Variants in DCAF5 observed in about 807,000 individuals in gnomAD.
The protein encoded by DCAF5 is DDB1 and CUL4 associated factor 5.
In DCAF5, 9 loss-of-function variants were observed where a neutral mutation model predicts 80.7. The observed-to-expected ratio is 0.11, with a 90% CI of 0.07 to 0.19. The LOEUF (loss-of-function observed/expected upper bound fraction) is 0.19, where lower values mean the gene tolerates loss of function less well. DCAF5 is among the 10% of genes least tolerant of loss of function. The probability of loss-of-function intolerance (pLI) is 1.00; values close to 1 mark genes in which losing one functional copy is unlikely to be tolerated. For missense variants in DCAF5, 842 were observed against 1,205.7 expected, an observed-to-expected ratio of 0.70 and a Z score of 4.47; for synonymous variants, 433 against 461.9, an observed-to-expected ratio of 0.94 and a Z score of 0.80.
intron 6 of DCAF5, among the ~76,000 whole-genome samples, chr14:69,088,205 T>C (rs546573089): frequency 6.6e-5 from 10 of 152,302 alleles, no homozygotes; most frequent in African/African-American, 1.4e-4. Flanking sequence ...CCGCAACAAG[T>C]TGTGATCATT....
intron 5 of DCAF5, among the ~76,000 whole-genome samples, chr14:69,108,547 G>A (rs559841695): frequency 4.2e-4 from 64 of 152,234 alleles, no homozygotes; most frequent in Non-Finnish European, 3.1e-4. Flanking sequence ...GATGTTTATG[G>A]CAGAGGGAGG....
At chr14:69,058,127 T>C (rs1422529614) in intron 8 of DCAF5, among the ~76,000 whole-genome samples, 6 of 152,212 alleles carry the variant, frequency 3.9e-5, no homozygotes, top group African/African-American at 1.4e-4. Flanking sequence ...TTAGTATTAA[T>C]ATATAAATTC....
At chr14:69,108,345 G>A (rs992696575) in intron 5 of DCAF5, among the ~76,000 whole-genome samples, 25 of 152,296 alleles carry the variant, frequency 1.6e-4, no homozygotes, top group African/African-American at 5.3e-4. Flanking sequence ...ACATGAACAC[G>A]TAAAGAAAAA....
chr14:69,083,463 G>A lies in DCAF5; in HGVS notation c.880-8052C>T, dbSNP rs569917817. ...AGAAGTGGAACCTCAAACTGCGGCA[G>A]TGGAACCTAAAGTTGCAGGGGGCCT... On this transcript the variant is annotated intron_variant, in intron 6 of 8. Transcript: ENST00000341516. The A allele has an allele frequency of 2.6e-3, 847 of 325,992 alleles. 12 individuals are homozygous for A. Among genetic ancestry groups the A allele is most frequent in the South Asian group, 0.022 (676 of 30,284 alleles). 20.2% of individuals were successfully genotyped at this position (325,992 alleles called of 1,614,324 possible). A position where few individuals can be genotyped will look rare whatever the true frequency, so the allele number is the denominator to read the frequency against.
intron 1 of DCAF5, among the ~76,000 whole-genome samples, chr14:69,151,548 A>C (rs977121319): frequency 5.3e-5 from 8 of 151,990 alleles, no homozygotes; most frequent in Non-Finnish European, 1.2e-4. Context: ...AGGAAAAGGG[A>C]CAGAAGAGGG....
At chr14:69,084,837 G>A in intron 6 of DCAF5, 2 of 1,091,926 alleles carry the variant, frequency 1.8e-6, no homozygotes, top group Non-Finnish European at 2.8e-6. Context: ...GTGGCAGCAA[G>A]AGAACTGGAC....
chr14:69,106,033 TTCTGCTTTTA>T (rs2040145955), intron 5 of DCAF5, among the ~76,000 whole-genome samples: 1 of 149,316 alleles, frequency 6.7e-6, no homozygotes, highest in Non-Finnish European at 1.5e-5. Context: ...ATTTTTACTA[TTCTGCTTTTA>T]TCTGTTTTTT....
At chr14:69,063,111 C>A (rs1378812699) in intron 7 of DCAF5, among the ~76,000 whole-genome samples, 1 of 152,160 alleles carries the variant, frequency 6.6e-6, no homozygotes, top group African/African-American at 2.4e-5. Context: ...AAATTTGGAT[C>A]ACTTTCATAA....
At chr14:69,096,876 T>G (rs1010233129) in intron 5 of DCAF5, among the ~76,000 whole-genome samples, 1 of 151,946 alleles carries the variant, frequency 6.6e-6, no homozygotes, top group African/African-American at 2.4e-5. Context: ...AGCCCTGACC[T>G]CACAGTGCAT....
At chr14:69,095,660 G>T (rs1036857090) in intron 5 of DCAF5, among the ~76,000 whole-genome samples, 1 of 152,210 alleles carries the variant, frequency 6.6e-6, no homozygotes, top group Non-Finnish European at 1.5e-5. Context: ...GAACACAAGA[G>T]AAACAGGCCA....
intron 5 of DCAF5, among the ~76,000 whole-genome samples, chr14:69,108,063 T>C (rs1010901661): frequency 1.6e-4 from 25 of 152,164 alleles, no homozygotes; most frequent in Non-Finnish European, 2.9e-4. Context: ...AGACAAGACA[T>C]AGCATATGAA....
chr14:69,087,398 A>G (rs1328896384), intron 6 of DCAF5, among the ~76,000 whole-genome samples: 2 of 152,226 alleles, frequency 1.3e-5, no homozygotes, highest in Non-Finnish European at 2.9e-5. Context: ...GTAGCCTCCA[A>G]GGAAAGGAAT....
At chr14:69,065,142 G>C (rs1402232392) in intron 7 of DCAF5, among the ~76,000 whole-genome samples, 2 of 130,132 alleles carry the variant, frequency 1.5e-5, no homozygotes, top group South Asian at 2.4e-4. Flanking sequence ...CTGTTGCCCA[G>C]GCTGGAGTGC....
intron 1 of DCAF5, among the ~76,000 whole-genome samples, chr14:69,145,769 TA>T (rs1239607842): frequency 6.6e-6 from 1 of 152,212 alleles, no homozygotes; most frequent in Non-Finnish European, 1.5e-5. Flanking sequence ...CCTTTAACTT[TA>T]AAAGACTTTC....
chr14:69,150,559 G>A (rs1374771674), intron 1 of DCAF5, among the ~76,000 whole-genome samples: 1 of 152,070 alleles, frequency 6.6e-6, no homozygotes, highest in Admixed American at 6.6e-5. Context: ...TAAATTATGT[G>A]GCATGGAAAT....
At chr14:69,110,423 G>A (rs61981649) in intron 5 of DCAF5, among the ~76,000 whole-genome samples, 36,185 of 150,574 alleles carry the variant, frequency 0.24, 5,782 homozygotes, top group Middle Eastern at 0.43. Context: ...ACAACACCAC[G>A]CCCCACTAAT....
intron 2 of DCAF5, among the ~76,000 whole-genome samples, chr14:69,119,704 C>CAA: frequency 7.1e-6 from 1 of 139,938 alleles, no homozygotes; most frequent in African/African-American, 2.7e-5. Context: ...GAGACTGTCT[C>CAA]AAAAAAAAAA....
intron 1 of DCAF5, among the ~76,000 whole-genome samples, chr14:69,134,927 A>G (rs2041145129): frequency 6.6e-6 from 1 of 152,246 alleles, no homozygotes; most frequent in Non-Finnish European, 1.5e-5. Flanking sequence ...CCATTGACTC[A>G]GAATTCCACT....
intron 5 of DCAF5, among the ~76,000 whole-genome samples, chr14:69,114,039 A>G (rs2040460446): frequency 6.6e-6 from 1 of 152,304 alleles, no homozygotes; most frequent in South Asian, 2.1e-4. Context: ...AGAAGAACTC[A>G]AAACAAGATA....
Sources: gnomAD v4.1 joint callset for allele counts (sites outside exome capture counted in the v4.1 genomes callset) on GRCh38, gnomAD v4.1.1 for gene constraint, MANE v1.5 for transcripts, NCBI Gene and HGNC (gene_info 2026-07-23, HGNC 2026-07-21) for gene names.